The following TTBK2 variants were observed in gnomAD, a reference collection of about 807,000 sequenced individuals.
TTBK2 encodes tau tubulin kinase 2.
TTBK2 carries 28 observed loss-of-function variants against 110.8 expected under a neutral mutation model. That is an observed-to-expected ratio of 0.25 (90% confidence interval 0.19 to 0.35). TTBK2 has a LOEUF of 0.35. Ranked by LOEUF, TTBK2 falls within the 10% of genes least tolerant of loss-of-function variation. TTBK2 has a pLI of 1.00. For missense variants in TTBK2, 1,369 were observed against 1,500.3 expected, an observed-to-expected ratio of 0.91 and a Z score of 1.45; for synonymous variants, 532 against 527.3, an observed-to-expected ratio of 1.01 and a Z score of -0.12.
intron 9 of TTBK2, chr15:42,801,411 T>A: frequency 8.8e-7 from 1 of 1,136,918 alleles, no homozygotes; most frequent in Non-Finnish European, 1.3e-6. Context: ...GGTATCTGCG[T>A]GGCAGCCTCC....
rs1410910853 is a variant in TTBK2 at position 42,752,166 on chromosome 15, G to A, written c.3080C>T (p.Thr1027Ile). ...EEVLTPFSRL[T>I]VDSHLSRSAE... The stretch of plus-strand genomic sequence containing the variant: ...TGACCTACTCAGGTGAGAATCTACT[G>A]TCAGTCTTGAAAAGGGAGTGAGCAC... The change falls in exon 14 of 15, where the codon ACA becomes ATA. Residue 1027 changes from threonine to isoleucine, a missense_variant. Coordinates refer to ENST00000267890, the MANE Select transcript of TTBK2 (RefSeq NM_173500.4). 1 of 1,614,210 alleles carries A rather than the reference G, an allele frequency of 6.2e-7. No individual in the cohort carries two copies. The highest frequency in any genetic ancestry group is 1.1e-5 in the South Asian group (1 of 91,086).
chr15:42,772,589 A>G (rs1234385202), intron 13 of TTBK2, among the ~76,000 whole-genome samples: 2 of 152,164 alleles, frequency 1.3e-5, no homozygotes, highest in Non-Finnish European at 2.9e-5. Context: ...ATGGCAATGG[A>G]TAACATATGG....
At chr15:42,833,154 T>C (rs1254970048) in intron 4 of TTBK2, among the ~76,000 whole-genome samples, 1 of 149,530 alleles carries the variant, frequency 6.7e-6, no homozygotes, top group Admixed American at 6.7e-5. Flanking sequence ...CCATGACACA[T>C]GTTTATCTAT....
chr15:42,837,354 T>C (rs544986781), intron 4 of TTBK2, among the ~76,000 whole-genome samples: 114 of 126,812 alleles, frequency 9.0e-4, no homozygotes, highest in Non-Finnish European at 1.5e-3. Flanking sequence ...CGAGACTCCA[T>C]CTCAAAAAAA....
chr15:42,815,925 T>TA (rs1167141366), intron 7 of TTBK2, among the ~76,000 whole-genome samples: 1 of 66,448 alleles, frequency 1.5e-5, no homozygotes, highest in Non-Finnish European at 2.3e-5. Flanking sequence ...TATATATATA[T>TA]TTAAAAATAT....
At chr15:42,796,439 T>C (rs1292272806) in intron 9 of TTBK2, among the ~76,000 whole-genome samples, 4 of 151,916 alleles carry the variant, frequency 2.6e-5, no homozygotes. Flanking sequence ...TTTAAAGCCA[T>C]AGAACCAGCT....
At chr15:42,916,498 T>C (rs565382586) in intron 1 of TTBK2, among the ~76,000 whole-genome samples, 18 of 152,162 alleles carry the variant, frequency 1.2e-4, no homozygotes, top group Non-Finnish European at 2.5e-4. Context: ...TGCTAATTTT[T>C]CTATTTTTAG....
chr15:42,885,658 C>A (rs978726407), intron 1 of TTBK2, among the ~76,000 whole-genome samples: 1 of 152,132 alleles, frequency 6.6e-6, no homozygotes, highest in East Asian at 1.9e-4. Flanking sequence ...GGGCAAGTAC[C>A]CCCCGACCTC....
chr15:42,763,131 CAT>C (rs1220037893), intron 13 of TTBK2, among the ~76,000 whole-genome samples: 1 of 59,846 alleles, frequency 1.7e-5, no homozygotes, highest in Non-Finnish European at 2.7e-5. Flanking sequence ...CATATATATA[CAT>C]ATATACATAC....
At chr15:42,761,867 G>C (rs574545651) in intron 13 of TTBK2, among the ~76,000 whole-genome samples, 1 of 152,316 alleles carries the variant, frequency 6.6e-6, no homozygotes, top group South Asian at 2.1e-4. Context: ...GTTTGGCTGT[G>C]TCCCCACCCA....
At position 42,765,232 on chromosome 15, in the gene TTBK2, G is replaced by A. The variant is rs1335792984; in HGVS notation, c.1998+9903C>T. On this transcript the variant is annotated intron_variant, in intron 13 of 14. Coordinates refer to ENST00000267890, the MANE Select transcript of TTBK2 (RefSeq NM_173500.4). ...CCCCTCCAAAGGATTGCAGCTCCTC[G>A]CCATCAACGGAACAAAGCTGGACGG... 4.6e-5 allele frequency among the ~76,000 whole-genome samples: 7 copies of A among 152,176 alleles called. No individual in the cohort carries two copies. The South Asian group carries it at 6.2e-4, about 14-fold the overall frequency.
chr15:42,878,564 T>C lies in TTBK2; in HGVS notation c.54A>G (p.Lys18=). Reference sequence around the variant, plus strand: ...GTACACTCACCACTTTCCATCTTTCTTTCACTAGGATTCCAACACTCAGGA... The same window carrying C: ...GTACACTCACCACTTTCCATCTTTCCTTCACTAGGATTCCAACACTCAGGA... ...LDILSVGILV[K]ERWKVLRKIG... is the part of the protein sequence containing the mutation. The change falls in exon 2 of 15, where the codon AAA becomes AAG. Residue 18 remains lysine, a synonymous_variant. Transcript: ENST00000267890. The C allele has an allele frequency of 6.2e-7, 1 of 1,613,544 alleles. No homozygotes were observed. Among genetic ancestry groups the C allele is most frequent in the South Asian group, 1.1e-5 (1 of 91,072 alleles).
At chr15:42,878,829 G>A in intron 1 of TTBK2, 145 bp from the exon 2 acceptor site, 2 of 1,023,290 alleles carry the variant, frequency 2.0e-6, no homozygotes, top group East Asian at 5.8e-5. Context: ...ACCTAGAAAT[G>A]TTTGATGCGT....
intron 3 of TTBK2, among the ~76,000 whole-genome samples, chr15:42,866,862 C>G (rs946498114): frequency 6.6e-6 from 1 of 152,108 alleles, no homozygotes; most frequent in African/African-American, 2.4e-5. Context: ...CTATTTCACA[C>G]TAAATAAAAA....
chr15:42,886,247 C>T (rs1487780717), intron 1 of TTBK2, among the ~76,000 whole-genome samples: 6 of 152,126 alleles, frequency 3.9e-5, no homozygotes, highest in Non-Finnish European at 7.4e-5. Flanking sequence ...CTTCTGCTCT[C>T]CCACCCTATA....
intron 11 of TTBK2, among the ~76,000 whole-genome samples, chr15:42,778,069 T>C (rs576798629): frequency 4.3e-4 from 65 of 151,512 alleles, no homozygotes; most frequent in Non-Finnish European, 7.5e-4. Context: ...GCTACCATGA[T>C]TGACACAACA....
intron 14 of TTBK2, 96 bp from the exon 15 acceptor site, chr15:42,746,353 A>G: frequency 3.1e-6 from 3 of 961,730 alleles, no homozygotes; most frequent in Middle Eastern, 3.2e-4. Context: ...AATGTGTAGA[A>G]ATCAGAAAAT....
At chr15:42,761,717 G>C (rs2062030132) in intron 13 of TTBK2, among the ~76,000 whole-genome samples, 1 of 152,090 alleles carries the variant, frequency 6.6e-6, no homozygotes, top group Non-Finnish European at 1.5e-5. Flanking sequence ...AGTCATCAGG[G>C]AAATGCAAAT....
Position 42,802,338 on chromosome 15 carries a change from G to A in TTBK2, c.823-7537C>T, listed in dbSNP as rs759282620. 7.8e-6 allele frequency: 6 copies of A among 770,930 alleles called. No individual in the cohort carries two copies. The South Asian group carries it at 8.0e-5, about 10-fold the overall frequency. 47.8% of individuals were successfully genotyped at this position (770,930 alleles called of 1,614,324 possible). A position where few individuals can be genotyped will look rare whatever the true frequency, so the allele number is the denominator to read the frequency against. On this transcript the variant is annotated intron_variant, in intron 9 of 14. Transcript: ENST00000267890. ...AGGCACCAGGCCCACTCGTGTAGGA[G>A]AGGCTGTTAAAGGCCTGGGGGCCAG...
Sources: allele counts gnomAD v4.1 joint callset (sites outside exome capture counted in the v4.1 genomes callset), GRCh38; gene constraint gnomAD v4.1.1; transcripts MANE v1.5; gene names NCBI Gene and HGNC (gene_info 2026-07-23, HGNC 2026-07-21).